ANK3: variants seen among roughly 807,000 people sequenced by gnomAD.
The protein encoded by ANK3 is ankyrin 3, also known as ankyrin-3.
In ANK3, 57 loss-of-function variants were observed where a neutral mutation model predicts 370.9. That is an observed-to-expected ratio of 0.15 (90% CI 0.12 to 0.19). ANK3 has a LOEUF of 0.19. ANK3 is among the 10% of genes least tolerant of loss of function. The probability of loss-of-function intolerance (pLI) is 1.00; values close to 1 mark genes in which losing one functional copy is unlikely to be tolerated. For missense variants in ANK3, 4,439 were observed against 5,302.1 expected (o/e 0.84, Z 5.06); for synonymous variants, 1,929 against 1,946.3 (o/e 0.99, Z 0.23).
At position 60,710,431 on chromosome 10, in the gene ANK3, T is replaced by C. The variant is rs113580256; in HGVS notation, c.57+22832A>G. Among the ~76,000 whole-genome samples the C allele has an allele frequency of 3.9e-3, 587 of 152,244 alleles. 1 individual carries two copies. The highest frequency in any genetic ancestry group is 0.01 in the African/African-American group (423 of 41,556). The stretch of plus-strand genomic sequence containing the variant: ...TGTGTTTATAAGTTTTGATAAATTT[T>C]AACTTTTTATAATAGAGTTTCCTAT... On this transcript the variant is annotated intron_variant, in intron 1 of 43. Transcript: ENST00000373827.
chr10:60,069,041 G>A lies in ANK3; in HGVS notation c.11840C>T (p.Pro3947Leu). 1.2e-6 allele frequency: 2 copies of A among 1,614,060 alleles called. No individual in the cohort carries two copies. The highest frequency in any genetic ancestry group is 1.7e-6 in the Non-Finnish European group (2 of 1,179,992). The change falls in exon 37 of 44, where the codon CCA becomes CTA. Residue 3947 changes from proline (P) to leucine (L), a missense_variant. By Grantham distance (98) the Pro-to-Leu change is moderately conservative. Coordinates refer to ENST00000280772, the MANE Select transcript of ANK3 (RefSeq NM_020987.5). ...QPEKGKAKQLPSKLPVKVRST... is the reference protein window; with the variant it reads ...QPEKGKAKQLLSKLPVKVRST... ...TCTTACCTTTACTGGCAACTTGGAT[G>A]GAAGCTGTTTGGCCTTGCCTTTCTC...
chr10:60,283,245 T>C (rs1336364336), intron 1 of ANK3, among the ~76,000 whole-genome samples: 1 of 152,176 alleles, frequency 6.6e-6, no homozygotes, highest in Non-Finnish European at 1.5e-5. Flanking sequence ...AACACACTAT[T>C]TTGTCCTAGA....
At chr10:60,068,076 A>G in intron 37 of ANK3, 67 bp from the exon 38 acceptor site, 1 of 1,430,000 alleles carries the variant, frequency 7.0e-7, no homozygotes, top group African/African-American at 1.4e-5. Context: ...AATTGCTTTT[A>G]GCAGTACGCA....
chr10:60,134,123 AT>A (rs3217306), intron 25 of ANK3, 147 bp downstream of exon 25: 432 of 588,560 alleles, frequency 7.3e-4, no homozygotes, highest in South Asian at 1.7e-3. Context: ...AGTACAACTT[AT>A]TTTTTTTTAA....
At chr10:60,612,677 G>C (rs1383093395) in intron 2 of ANK3, among the ~76,000 whole-genome samples, 1 of 152,102 alleles carries the variant, frequency 6.6e-6, no homozygotes, top group Non-Finnish European at 1.5e-5. Flanking sequence ...ATTTTTAGTA[G>C]AGATGGGGTT....
intron 2 of ANK3, among the ~76,000 whole-genome samples, chr10:60,565,928 C>T (rs1402080608): frequency 6.6e-6 from 1 of 152,184 alleles, no homozygotes; most frequent in Non-Finnish European, 1.5e-5. Context: ...TTGTGCTTTG[C>T]AGATATTGCA....
chr10:60,300,594 G>A (rs2043484575), intron 1 of ANK3: 2 of 1,125,864 alleles, frequency 1.8e-6, no homozygotes, highest in African/African-American at 3.3e-5. Context: ...AATTCCCCAC[G>A]ACTTACCATA....
At chr10:60,192,177 C>A (rs140453263) in intron 16 of ANK3, among the ~76,000 whole-genome samples, 180 of 152,176 alleles carry the variant, frequency 1.2e-3, no homozygotes, top group African/African-American at 4.1e-3. Flanking sequence ...CAGGCGTGAG[C>A]CACCGCACCC....
rs117552816 is a variant in ANK3 at position 60,371,702 on chromosome 10, C to T, written c.114+17723G>A. On this transcript the variant is annotated intron_variant, in intron 1 of 43. Transcript: ENST00000280772. The stretch of plus-strand genomic sequence containing the variant: ...AAGGATTCAGTCCCTAAGAAGCCAA[C>T]TGTTTATTAAATTTGTTATTCTGAA... Among the ~76,000 whole-genome samples the T allele has an allele frequency of 2.5e-4, 38 of 152,282 alleles. No homozygotes were observed. The East Asian group carries it at 6.8e-3, about 27-fold the overall frequency.
At chr10:60,172,866 T>A in intron 20 of ANK3, 34 bp downstream of exon 20, 1 of 1,439,452 alleles carries the variant, frequency 6.9e-7, no homozygotes, top group Non-Finnish European at 9.7e-7. Flanking sequence ...ATCTATCTCC[T>A]CCCTCTTCTC....
intron 1 of ANK3, among the ~76,000 whole-genome samples, chr10:60,682,912 G>A (rs1261144296): frequency 6.6e-6 from 1 of 152,206 alleles, no homozygotes; most frequent in Non-Finnish European, 1.5e-5. Context: ...CCAAACAAGG[G>A]TTCATGGGAA....
chr10:60,320,035 T>A (rs911419667), intron 1 of ANK3, among the ~76,000 whole-genome samples: 22 of 152,186 alleles, frequency 1.4e-4, no homozygotes, highest in African/African-American at 5.1e-4. Context: ...AGGCTGTCCT[T>A]CCTTGAATGC....
intron 9 of ANK3, among the ~76,000 whole-genome samples, chr10:60,212,238 A>G (rs1244767197): frequency 1.3e-5 from 2 of 152,136 alleles, no homozygotes; most frequent in African/African-American, 2.4e-5. Context: ...GAAAGAGAAC[A>G]ATGGGGATTA....
intron 23 of ANK3, chr10:60,140,403 T>A: frequency 1.2e-6 from 2 of 1,613,706 alleles, no homozygotes; most frequent in South Asian, 2.2e-5. Context: ...GTTTTCCTGA[T>A]GTTTCCAGGA....
intron 1 of ANK3, among the ~76,000 whole-genome samples, chr10:60,294,205 A>C (rs1443032252): frequency 6.6e-6 from 1 of 152,184 alleles, no homozygotes; most frequent in Admixed American, 6.5e-5. Flanking sequence ...TTTAGTGTGC[A>C]TAGACTTAAT....
intron 1 of ANK3, among the ~76,000 whole-genome samples, chr10:60,668,630 T>C (rs1453211851): frequency 6.6e-6 from 1 of 151,792 alleles, no homozygotes; most frequent in Non-Finnish European, 1.5e-5. Context: ...TGGGAGGAAG[T>C]TTCAAGCAGG....
intron 2 of ANK3, among the ~76,000 whole-genome samples, chr10:60,403,245 T>C (rs2063387414): frequency 6.6e-6 from 1 of 152,126 alleles, no homozygotes; most frequent in South Asian, 2.1e-4. Flanking sequence ...ACCTATATGG[T>C]TTTGCTGGTG....
At chr10:60,554,255 T>A (rs2077157750) in intron 2 of ANK3, among the ~76,000 whole-genome samples, 1 of 152,150 alleles carries the variant, frequency 6.6e-6, no homozygotes, top group Non-Finnish European at 1.5e-5. Context: ...TTAGAGCCCT[T>A]TTTCTAAGTA....
Position 60,315,716 on chromosome 10 carries a change from T to A in ANK3, c.115-36077A>T, listed in dbSNP as rs552650908. Among the ~76,000 whole-genome samples the A allele has an allele frequency of 1.3e-4, 19 of 151,524 alleles. No homozygotes were observed. The East Asian group carries it at 3.1e-3, about 25-fold the overall frequency. ...CCACAGGATTTGGGAAAGTTCAAAA[T>A]ATATATATATATACTGCCACTCTCT... is the stretch of plus-strand genomic sequence containing the variant. On this transcript the variant is annotated intron_variant, in intron 1 of 43. Transcript: ENST00000280772.
Sources: allele counts gnomAD v4.1 joint callset (sites outside exome capture counted in the v4.1 genomes callset), GRCh38; gene constraint gnomAD v4.1.1; transcripts MANE v1.5; gene names NCBI Gene and HGNC (gene_info 2026-07-23, HGNC 2026-07-21).